The following SLC4A5 variants were observed in gnomAD, a reference collection of about 807,000 sequenced individuals.
SLC4A5 encodes solute carrier family 4 member 5, also known as electrogenic sodium bicarbonate cotransporter 4.
In SLC4A5, 96 loss-of-function variants were observed where a neutral mutation model predicts 120.4. The ratio of observed to expected loss-of-function variants is 0.80; its 90% CI spans 0.68 to 0.94. The LOEUF (loss-of-function observed/expected upper bound fraction) is 0.94, where lower values mean the gene tolerates loss of function less well. SLC4A5 is among the 40% of genes least tolerant of loss of function. The pLI, the probability that SLC4A5 is intolerant of heterozygous loss-of-function variation, is 0.00. For missense variants in SLC4A5, 1,259 were observed against 1,459.5 expected (o/e 0.86, Z 2.24); for synonymous variants, 550 against 571.1 (o/e 0.96, Z 0.53).
At chr2:74,319,779 T>C (rs1051214264) in intron 5 of SLC4A5, among the ~76,000 whole-genome samples, 1 of 152,160 alleles carries the variant, frequency 6.6e-6, no homozygotes, top group African/African-American at 2.4e-5. Flanking sequence ...TTCTTCTGTT[T>C]TATGCATTTT....
At chr2:74,314,802 A>G in intron 6 of SLC4A5, 143 bp downstream of exon 6, 1 of 730,132 alleles carries the variant, frequency 1.4e-6, no homozygotes, top group Middle Eastern at 3.3e-4. Context: ...GGCTGGTCCC[A>G]CCAGCCTCAA....
At chr2:74,320,743 C>T (rs1008186069) in intron 5 of SLC4A5, among the ~76,000 whole-genome samples, 9 of 152,018 alleles carry the variant, frequency 5.9e-5, no homozygotes, top group Non-Finnish European at 7.4e-5. Context: ...GGAAAGTCAC[C>T]GGAGAAGAAC....
intron 20 of SLC4A5, among the ~76,000 whole-genome samples, chr2:74,240,123 C>T (rs979741790): frequency 2.0e-5 from 3 of 151,696 alleles, no homozygotes; most frequent in East Asian, 3.8e-4. Flanking sequence ...CCCACCCTCA[C>T]CCCATCTTAG....
chr2:74,236,649 G>A (rs1290850240), intron 21 of SLC4A5, among the ~76,000 whole-genome samples: 1 of 152,208 alleles, frequency 6.6e-6, no homozygotes, highest in Admixed American at 6.5e-5. Flanking sequence ...GCAGAACCAA[G>A]TAGTGTGCTG....
At chr2:74,307,130 G>A (rs895513461) in intron 6 of SLC4A5, 1 of 552,746 alleles carries the variant, frequency 1.8e-6, no homozygotes, top group Non-Finnish European at 3.4e-6. Flanking sequence ...TCAGTTTCAT[G>A]AGCATCATCT....
At chr2:74,234,663 G>A (rs112602853) in intron 22 of SLC4A5, among the ~76,000 whole-genome samples, 17 of 152,320 alleles carry the variant, frequency 1.1e-4, no homozygotes, top group African/African-American at 2.4e-4. Flanking sequence ...AGGTGGGGCC[G>A]AGAAATTGCA....
At chr2:74,312,203 C>G (rs1672825101) in intron 6 of SLC4A5, among the ~76,000 whole-genome samples, 1 of 151,842 alleles carries the variant, frequency 6.6e-6, no homozygotes, top group Non-Finnish European at 1.5e-5. Context: ...GTATCTATAT[C>G]TATACCTATC....
chr2:74,305,463 T>G (rs1246260911), intron 6 of SLC4A5, among the ~76,000 whole-genome samples: 5 of 152,314 alleles, frequency 3.3e-5, no homozygotes, highest in African/African-American at 1.2e-4. Flanking sequence ...CCCCTACAGC[T>G]TTCCCTATTA....
intron 17 of SLC4A5, among the ~76,000 whole-genome samples, chr2:74,250,127 TAA>T (rs369713274): frequency 9.4e-4 from 143 of 152,348 alleles, no homozygotes; most frequent in African/African-American, 3.2e-3. Context: ...AAATAATCAT[TAA>T]GTTTGGTCTT....
At chr2:74,290,389 C>T (rs1457934699) in intron 7 of SLC4A5, 1 of 984,788 alleles carries the variant, frequency 1.0e-6, no homozygotes, top group Non-Finnish European at 1.2e-6. Context: ...TCCAGTTAAG[C>T]ACCAGGGGAG....
chr2:74,249,290 A>T (rs887525087), intron 17 of SLC4A5, among the ~76,000 whole-genome samples: 1 of 152,268 alleles, frequency 6.6e-6, no homozygotes, highest in South Asian at 2.1e-4. Context: ...GCCTCCCTAG[A>T]AGTAGATAAG....
intron 8 of SLC4A5, among the ~76,000 whole-genome samples, chr2:74,276,749 G>T (rs1340580586): frequency 2.1e-5 from 3 of 140,900 alleles, no homozygotes; most frequent in African/African-American, 8.6e-5. Context: ...CTAGGATATA[G>T]CGAGTCCTCC....
chr2:74,270,397 G>A (rs1203591915), intron 8 of SLC4A5, among the ~76,000 whole-genome samples: 1 of 152,194 alleles, frequency 6.6e-6, no homozygotes, highest in African/African-American at 2.4e-5. Context: ...CCTGGGGCTG[G>A]GCGCGGTGGC....
At chr2:74,308,110 T>C in intron 6 of SLC4A5, 1 of 391,980 alleles carries the variant, frequency 2.6e-6, no homozygotes, top group Non-Finnish European at 4.9e-6. Context: ...GTACTGTAGT[T>C]TGTTCATCCA....
exon 7 of SLC4A5, chr2:74,304,663 T>G (rs1335074948): frequency 6.2e-7 from 1 of 1,613,784 alleles, no homozygotes; most frequent in Admixed American, 1.7e-5. Flanking sequence ...GGAAGCCCAA[T>G]GTGGATAGGA....
chr2:74,325,277 C>T (rs1673192129), intron 5 of SLC4A5, among the ~76,000 whole-genome samples: 1 of 152,202 alleles, frequency 6.6e-6, no homozygotes, highest in South Asian at 2.1e-4. Context: ...TATGCAAACA[C>T]AGATGAGAAC....
chr2:74,325,157 T>G (rs376016599), intron 5 of SLC4A5, among the ~76,000 whole-genome samples: 1 of 152,232 alleles, frequency 6.6e-6, no homozygotes, highest in East Asian at 1.9e-4. Flanking sequence ...CCAACATGAT[T>G]TTAAAATGTG....
At chr2:74,322,130 G>C (rs1221286137) in intron 5 of SLC4A5, among the ~76,000 whole-genome samples, 1 of 151,850 alleles carries the variant, frequency 6.6e-6, no homozygotes, top group African/African-American at 2.4e-5. Flanking sequence ...AGACAAATCT[G>C]GGTTCCTGAG....
At chr2:74,283,641 G>A (rs1671882908) in intron 8 of SLC4A5, among the ~76,000 whole-genome samples, 1 of 152,196 alleles carries the variant, frequency 6.6e-6, no homozygotes, top group Non-Finnish European at 1.5e-5. Flanking sequence ...ATGGTTGGGG[G>A]CAGCTGTCAG....
Sources: allele counts gnomAD v4.1 joint callset (sites outside exome capture counted in the v4.1 genomes callset), GRCh38; gene constraint gnomAD v4.1.1; transcripts MANE v1.5; gene names NCBI Gene and HGNC (gene_info 2026-07-23, HGNC 2026-07-21).